Variants in PCDH11Y observed in about 807,000 individuals in gnomAD.
PCDH11Y encodes the protein protocadherin 11 Y-linked.
For missense variants in PCDH11Y, 12 were observed against 224.8 expected (o/e 0.05, Z 6.05); for synonymous variants, 9 against 83.6 (o/e 0.11, Z 4.87).
chrY:5,703,838 C>G, intron 4 of PCDH11Y, among the ~76,000 whole-genome samples: 3 of 26,090 alleles, frequency 1.1e-4, no homozygotes, highest in Non-Finnish European at 2.9e-4. Flanking sequence ...CAGCATTATT[C>G]TCTTTTTTTC....
chrY:5,010,380 TA>T (rs2052547581), intron 1 of PCDH11Y, among the ~76,000 whole-genome samples: 1 of 12,089 alleles, frequency 8.3e-5, no homozygotes, highest in Non-Finnish European at 1.8e-4. Flanking sequence ...ACAAAACCTT[TA>T]CATGAGAGCT....
chrY:5,314,899 G>A, intron 2 of PCDH11Y, among the ~76,000 whole-genome samples: 5 of 31,644 alleles, frequency 1.6e-4, no homozygotes, highest in African/African-American at 6.2e-4. Flanking sequence ...CTGCATAATA[G>A]CAAGATTTTT....
chrY:5,569,331 A>G, intron 3 of PCDH11Y, among the ~76,000 whole-genome samples: 10 of 20,076 alleles, frequency 5.0e-4, no homozygotes, highest in African/African-American at 7.8e-4. Context: ...AAATTCTCGT[A>G]TAAGATTTCA....
intron 2 of PCDH11Y, among the ~76,000 whole-genome samples, chrY:5,271,002 ATAG>A (rs2053035381): frequency 3.0e-5 from 1 of 33,871 alleles, no homozygotes; most frequent in African/African-American, 1.1e-4. Flanking sequence ...ACGCAAAATT[ATAG>A]TTTGATCCTC....
chrY:5,271,553 A>G, intron 2 of PCDH11Y, among the ~76,000 whole-genome samples: 1 of 31,321 alleles, frequency 3.2e-5, no homozygotes, highest in South Asian at 7.2e-4. Context: ...TTAAGAAAAA[A>G]CATTAACAAA....
intron 1 of PCDH11Y, among the ~76,000 whole-genome samples, chrY:5,088,298 A>G: frequency 3.1e-5 from 1 of 32,714 alleles, no homozygotes; most frequent in African/African-American, 1.2e-4. Flanking sequence ...ACCACCCATA[A>G]TCATTTTTAT....
chrY:5,268,841 T>C (rs2124659191), intron 2 of PCDH11Y, among the ~76,000 whole-genome samples: 10 of 26,664 alleles, frequency 3.8e-4, no homozygotes, highest in Middle Eastern at 0.021. Flanking sequence ...ACATTCACTG[T>C]TGTTTAGAGG....
At chrY:5,349,934 A>G in intron 2 of PCDH11Y, among the ~76,000 whole-genome samples, 3 of 34,056 alleles carry the variant, frequency 8.8e-5, no homozygotes, top group Non-Finnish European at 1.5e-4. Context: ...ATAGTCTTCC[A>G]TATCCAAACA....
intron 4 of PCDH11Y, among the ~76,000 whole-genome samples, chrY:5,672,885 A>G (rs2053550813): frequency 6.6e-5 from 2 of 30,230 alleles, no homozygotes; most frequent in South Asian, 1.5e-3. Context: ...CTCTTTTTTG[A>G]TGTAGGCAAA....
At chrY:5,256,224 G>C in intron 2 of PCDH11Y, among the ~76,000 whole-genome samples, 1 of 32,844 alleles carries the variant, frequency 3.0e-5, no homozygotes, top group Non-Finnish European at 7.5e-5. Context: ...TTTGTATATG[G>C]TGAGAGACAG....
intron 3 of PCDH11Y, among the ~76,000 whole-genome samples, chrY:5,525,945 G>C (rs1602938209): frequency 6.0e-4 from 17 of 28,383 alleles, no homozygotes; most frequent in South Asian, 1.7e-3. Context: ...CTCTCTCTCT[G>C]TGTGTGTGTG....
chrY:5,694,527 T>A (rs2053570332), intron 4 of PCDH11Y, among the ~76,000 whole-genome samples: 1 of 32,625 alleles, frequency 3.1e-5, no homozygotes, highest in African/African-American at 1.2e-4. Context: ...GGTTTGTTTT[T>A]AATTTTTAAT....
intron 1 of PCDH11Y, among the ~76,000 whole-genome samples, chrY:5,076,243 AT>A (rs2052708657): frequency 9.1e-5 from 3 of 33,118 alleles, no homozygotes; most frequent in African/African-American, 3.5e-4. Context: ...TCTTTTGCCC[AT>A]TTTTTATTAC....
At chrY:5,138,743 T>C in intron 2 of PCDH11Y, among the ~76,000 whole-genome samples, 1 of 30,965 alleles carries the variant, frequency 3.2e-5, no homozygotes, top group East Asian at 8.5e-4. Context: ...AGTAGCAAGA[T>C]TGAAACAATA....
At chrY:5,597,405 G>A (rs2053468749) in intron 4 of PCDH11Y, among the ~76,000 whole-genome samples, 1 of 25,736 alleles carries the variant, frequency 3.9e-5, no homozygotes, top group Non-Finnish European at 8.9e-5. Context: ...ATATATATAC[G>A]TATATATATA....
chrY:5,230,970 G>C, intron 2 of PCDH11Y, among the ~76,000 whole-genome samples: 2 of 29,542 alleles, frequency 6.8e-5, no homozygotes. Flanking sequence ...GCATTGTTCA[G>C]CTTCAGAATT....
chrY:5,127,615 C>T, intron 2 of PCDH11Y, among the ~76,000 whole-genome samples: 1 of 33,137 alleles, frequency 3.0e-5, no homozygotes, highest in African/African-American at 1.2e-4. Flanking sequence ...TTCTCTTTTT[C>T]ATATAATAAT....
At chrY:5,198,481 T>C (rs2052923555) in intron 2 of PCDH11Y, among the ~76,000 whole-genome samples, 3 of 32,646 alleles carry the variant, frequency 9.2e-5, no homozygotes, top group East Asian at 1.6e-3. Flanking sequence ...AAAGTAAATT[T>C]AACAAAAGGA....
chrY:5,056,951 C>T (rs2052662260), exon 1 of PCDH11Y: 1 of 395,775 alleles, frequency 2.5e-6, no homozygotes. Flanking sequence ...TACATTTTCG[C>T]GGTCCTGCTA....
Sources: allele counts gnomAD v4.1 joint callset (sites outside exome capture counted in the v4.1 genomes callset), GRCh38; gene constraint gnomAD v4.1.1; transcripts MANE v1.5; gene names NCBI Gene and HGNC (gene_info 2026-07-23, HGNC 2026-07-21).